The following ZNF407 variants were observed in gnomAD, a reference collection of about 807,000 sequenced individuals.
ZNF407 encodes the protein zinc finger protein 407.
ZNF407 carries 17 observed loss-of-function variants against 131.2 expected under a neutral mutation model. The observed-to-expected ratio is 0.13, with a 90% CI of 0.09 to 0.19. ZNF407 has a LOEUF of 0.19. Among genes scored for constraint, ZNF407 ranks in the 10% least tolerant of loss-of-function variants. The probability of loss-of-function intolerance (pLI) is 1.00; values close to 1 mark genes in which losing one functional copy is unlikely to be tolerated. For synonymous variants in ZNF407, 1,156 were observed against 1,062.0 expected (o/e 1.09, Z -1.72); for missense variants, 2,681 against 2,830.6 (o/e 0.95, Z 1.20).
intron 6 of ZNF407, among the ~76,000 whole-genome samples, chr18:74,887,675 T>A (rs1971328778): frequency 1.3e-5 from 2 of 152,152 alleles, no homozygotes. Flanking sequence ...TAGGCAGTTC[T>A]GTCATCATAA....
In ZNF407 at chr18:74,782,882, C is replaced by T. The variant is rs1433828803; in HGVS notation, c.4877+1380C>T. ...GATCCCAAAGTGCTGGGATTACAGG[C>T]TTGAGCGACCGTGCCCGGCCTATTT... On this transcript the variant is annotated intron_variant, in intron 4 of 8. Transcript: ENST00000299687. Among the ~76,000 whole-genome samples the T allele has an allele frequency of 5.3e-5, 8 of 152,206 alleles. No homozygotes were observed. In the East Asian group the frequency reaches 9.7e-4, roughly 18 times the overall value.
At chr18:75,021,967 A>G (rs1973116121) in intron 8 of ZNF407, among the ~76,000 whole-genome samples, 1 of 151,966 alleles carries the variant, frequency 6.6e-6, no homozygotes, top group South Asian at 2.1e-4. Flanking sequence ...TTATATAAAG[A>G]GCTCATTATC....
chr18:74,884,422 A>G (rs1971280072), intron 6 of ZNF407, among the ~76,000 whole-genome samples: 1 of 152,226 alleles, frequency 6.6e-6, no homozygotes, highest in Non-Finnish European at 1.5e-5. Flanking sequence ...ACTATTATAT[A>G]CAGATTTGAA....
intron 4 of ZNF407, among the ~76,000 whole-genome samples, chr18:74,791,846 G>A (rs531630144): frequency 6.6e-6 from 1 of 152,182 alleles, no homozygotes; most frequent in South Asian, 2.1e-4. Flanking sequence ...TTGAAGAAGG[G>A]GATTCACACT....
At chr18:74,676,144 T>A (rs185382091) in intron 3 of ZNF407, among the ~76,000 whole-genome samples, 14 of 151,960 alleles carry the variant, frequency 9.2e-5, no homozygotes, top group African/African-American at 3.4e-4. Flanking sequence ...CAGGCTGGAG[T>A]ACAGTGGCAC....
rs755386086 is a variant in ZNF407, at chr18:74,631,080, C to G, written c.61C>G (p.Gln21Glu). Residue 21 changes from glutamine to glutamate, a missense_variant, in exon 2 of 9, where the codon CAA becomes GAA. By Grantham distance (29) the Gln-to-Glu change is conservative. This residue lies in a region of ZNF407 where 1,789 missense variants were observed against 1,748.7 expected (regional missense o/e 1.02). Coordinates refer to ENST00000299687, the MANE Select transcript of ZNF407 (RefSeq NM_017757.3). Reference protein sequence around the residue: ...DEDEKINKEAQDLTKLSSHNE... With the variant: ...DEDEKINKEAEDLTKLSSHNE... ...GGATGAAAAGATAAACAAAGAAGCA[C>G]AAGACTTGACAAAGCTTTCATCCCA... The G allele has an allele frequency of 1.1e-5, 18 of 1,613,128 alleles. No individual in the cohort carries two copies. Among genetic ancestry groups the G allele is most frequent in the Non-Finnish European group, 1.5e-5 (18 of 1,179,724 alleles).
intron 4 of ZNF407, among the ~76,000 whole-genome samples, chr18:74,834,295 C>T (rs191242231): frequency 2.6e-5 from 4 of 152,326 alleles, no homozygotes; most frequent in Admixed American, 2.6e-4. Flanking sequence ...AAATTGGCCC[C>T]ATAGGGCCTT....
At chr18:74,663,870 C>T (rs1985820505) in intron 3 of ZNF407, among the ~76,000 whole-genome samples, 1 of 152,154 alleles carries the variant, frequency 6.6e-6, no homozygotes, top group South Asian at 2.1e-4. Context: ...AAGAAGGAAA[C>T]GTAAATTTCC....
At position 74,631,601 on chromosome 18, in the gene ZNF407, G is replaced by A. The variant is rs771568887; in HGVS notation, c.582G>A (p.Leu194=). The change falls in exon 2 of 9, where the codon TTG becomes TTA. Residue 194 remains leucine (L), a synonymous_variant. Transcript: ENST00000299687. ...TCAAATGCAGCATCTGTGGGCATTT[G>A]TTTTCTTCTTGCTCTGACTTGGAAA... The part of the protein sequence containing the change: ...TVLKCSICGH[L]FSSCSDLEKH... The A allele has an allele frequency of 3.7e-6, 6 of 1,613,830 alleles. No homozygotes were observed. Among genetic ancestry groups the A allele is most frequent in the Non-Finnish European group, 5.1e-6 (6 of 1,179,898 alleles).
At chr18:75,000,402 G>A (rs532793400) in intron 8 of ZNF407, among the ~76,000 whole-genome samples, 1 of 152,324 alleles carries the variant, frequency 6.6e-6, no homozygotes, top group African/African-American at 2.4e-5. Context: ...AAGAGTTAAT[G>A]TTATTCAGCT....
At chr18:75,024,177 T>C (rs576216340) in intron 8 of ZNF407, among the ~76,000 whole-genome samples, 4 of 152,344 alleles carry the variant, frequency 2.6e-5, no homozygotes, top group South Asian at 4.1e-4. Flanking sequence ...TTTCAAGAAC[T>C]CCTATTTGGG....
At chr18:74,607,342 C>T (rs1221718270) in intron 1 of ZNF407, among the ~76,000 whole-genome samples, 2 of 152,194 alleles carry the variant, frequency 1.3e-5, no homozygotes, top group African/African-American at 4.8e-5. Context: ...TGGCGTTGAT[C>T]TCTCAGGCCG....
chr18:74,991,950 T>G (rs1416768990), intron 8 of ZNF407, among the ~76,000 whole-genome samples: 1 of 152,216 alleles, frequency 6.6e-6, no homozygotes, highest in East Asian at 1.9e-4. Context: ...GCATGAACCT[T>G]GTATAAATTT....
At chr18:74,768,780 C>G (rs534283077) in intron 3 of ZNF407, among the ~76,000 whole-genome samples, 1 of 152,066 alleles carries the variant, frequency 6.6e-6, no homozygotes, top group Non-Finnish European at 1.5e-5. Context: ...TTCAATAATC[C>G]GCATTAAACA....
chr18:74,935,588 C>T (rs778227299), intron 8 of ZNF407, among the ~76,000 whole-genome samples: 7 of 152,070 alleles, frequency 4.6e-5, no homozygotes, highest in Non-Finnish European at 8.8e-5. Context: ...GTGTGTGCTA[C>T]GGGGTGGCAA....
At chr18:74,877,161 G>C (rs781568289) in intron 4 of ZNF407, 36 bp from the exon 5 acceptor site, 22 of 1,601,304 alleles carry the variant, frequency 1.4e-5, no homozygotes, top group Non-Finnish European at 1.9e-5. Context: ...TGGTGTGCGG[G>C]CCATATTTAT....
rs1973455823 is a variant in ZNF407 at position 75,048,039 on chromosome 18, T to G, written c.5429-15111T>G. Among the ~76,000 whole-genome samples, 2 of 152,204 alleles carry G rather than the reference T, an allele frequency of 1.3e-5. No individual in the cohort carries two copies. Among genetic ancestry groups the G allele is most frequent in the Non-Finnish European group, 2.9e-5 (2 of 68,036 alleles). Reference sequence around the variant, plus strand: ...AGCCACTAATCAGACAGCCTTATATTGGTTTTTATATAGAATATGGCACGT... The same window carrying G: ...AGCCACTAATCAGACAGCCTTATATGGGTTTTTATATAGAATATGGCACGT... On this transcript the variant is annotated intron_variant, in intron 8 of 8. Transcript: ENST00000299687. The surrounding 1 kb of genome is among the most constrained non-coding windows in gnomAD (Gnocchi z 4.1).
At chr18:74,863,216 C>T (rs776468188) in intron 4 of ZNF407, among the ~76,000 whole-genome samples, 6 of 151,584 alleles carry the variant, frequency 4.0e-5, no homozygotes, top group African/African-American at 7.3e-5. Flanking sequence ...CCACCGCACC[C>T]GGCTCACTTG....
At chr18:74,775,428 A>G (rs1258086120) in intron 3 of ZNF407, among the ~76,000 whole-genome samples, 1 of 152,222 alleles carries the variant, frequency 6.6e-6, no homozygotes, top group East Asian at 1.9e-4. Context: ...TGTTTCTTGG[A>G]CTGAATCAGT....
Sources: allele counts gnomAD v4.1 joint callset (sites outside exome capture counted in the v4.1 genomes callset), GRCh38; gene constraint gnomAD v4.1.1; regional missense constraint gnomAD v4.1.1; non-coding constraint Gnocchi (gnomAD v3.1); transcripts MANE v1.5; gene names NCBI Gene and HGNC (gene_info 2026-07-23, HGNC 2026-07-21).